Variants in EDIL3 observed in about 807,000 individuals in gnomAD.
EDIL3 encodes EGF like and discoidin domains 3.
EDIL3 carries 37 observed loss-of-function variants against 67.4 expected under a neutral mutation model. That is an observed-to-expected ratio of 0.55 (90% confidence interval 0.42 to 0.72). The LOEUF (loss-of-function observed/expected upper bound fraction) is 0.72, where lower values mean the gene tolerates loss of function less well. Ranked by LOEUF, EDIL3 falls within the 30% of genes least tolerant of loss-of-function variation. The pLI is 0.00. For missense variants in EDIL3, 527 were observed against 586.3 expected (o/e 0.90, Z 1.04); for synonymous variants, 195 against 196.3 (o/e 0.99, Z 0.05).
At chr5:84,277,612 A>G (rs1745608255) in intron 1 of EDIL3, among the ~76,000 whole-genome samples, 1 of 152,208 alleles carries the variant, frequency 6.6e-6, no homozygotes, top group Non-Finnish European at 1.5e-5. Flanking sequence ...ATAATTCAGT[A>G]TGAGTGCCAT....
intron 5 of EDIL3, among the ~76,000 whole-genome samples, chr5:84,119,477 T>C (rs1434072022): frequency 6.6e-6 from 1 of 151,978 alleles, no homozygotes; most frequent in African/African-American, 2.4e-5. Context: ...ATATAAACTA[T>C]GGCTTCTTGT....
intron 9 of EDIL3, among the ~76,000 whole-genome samples, chr5:84,045,913 A>G (rs1746214972): frequency 6.6e-6 from 1 of 152,222 alleles, no homozygotes; most frequent in African/African-American, 2.4e-5. Flanking sequence ...TGAACTACCT[A>G]TTATTATAGC....
At chr5:83,988,199 G>A (rs556071113) in intron 9 of EDIL3, among the ~76,000 whole-genome samples, 79 of 152,168 alleles carry the variant, frequency 5.2e-4, no homozygotes, top group African/African-American at 1.9e-3. Context: ...ACACATCTGT[G>A]TGCTGACATT....
In EDIL3 at chr5:84,190,074, C is replaced by A. The variant is rs74615210; in HGVS notation, c.227-9553G>T. Reference sequence around the variant, plus strand: ...TTGGCCAGTGGGATAAACATGAACACCCCTATAATCTAAGAGAAACATAGA... The same window carrying A: ...TTGGCCAGTGGGATAAACATGAACAACCCTATAATCTAAGAGAAACATAGA... On this transcript the variant is annotated intron_variant, in intron 3 of 10. Transcript: ENST00000296591. Among the ~76,000 whole-genome samples, 65 of 152,044 alleles carry A rather than the reference C, an allele frequency of 4.3e-4. No homozygotes were observed. The East Asian group carries it at 0.011, about 27-fold the overall frequency.
intron 1 of EDIL3, among the ~76,000 whole-genome samples, chr5:84,373,611 G>A (rs961077977): frequency 6.6e-6 from 1 of 152,100 alleles, no homozygotes; most frequent in Non-Finnish European, 1.5e-5. Flanking sequence ...CAACAATGGT[G>A]AAATCATCCA....
intron 2 of EDIL3, among the ~76,000 whole-genome samples, chr5:84,238,665 G>T (rs372454924): frequency 5.1e-3 from 511 of 100,994 alleles, no homozygotes; most frequent in East Asian, 0.011. Flanking sequence ...AAAATTAAAT[G>T]TTTTTTTTTT....
chr5:84,148,702 A>G (rs1188602407), intron 4 of EDIL3, among the ~76,000 whole-genome samples: 1 of 152,148 alleles, frequency 6.6e-6, no homozygotes, highest in Non-Finnish European at 1.5e-5. Flanking sequence ...AGCTAGAGGC[A>G]ACAAAACATC....
intron 10 of EDIL3, among the ~76,000 whole-genome samples, chr5:83,947,987 G>A (rs1183361858): frequency 1.3e-5 from 2 of 151,794 alleles, no homozygotes; most frequent in African/African-American, 2.4e-5. Context: ...CAGTGAAAGC[G>A]TGGTATTTAT....
At chr5:84,006,841 T>C (rs1479370940) in intron 9 of EDIL3, among the ~76,000 whole-genome samples, 1 of 152,092 alleles carries the variant, frequency 6.6e-6, no homozygotes, top group African/African-American at 2.4e-5. Flanking sequence ...TTCTCCTGTC[T>C]TTTTTAAGCT....
At chr5:83,993,271 CA>C (rs2112161440) in intron 9 of EDIL3, among the ~76,000 whole-genome samples, 1 of 152,306 alleles carries the variant, frequency 6.6e-6, no homozygotes, top group Admixed American at 6.5e-5. Context: ...CTCCTCGGCT[CA>C]GTTGATCATC....
At chr5:84,379,490 T>TCAACTATTCC (rs1748033310) in intron 1 of EDIL3, among the ~76,000 whole-genome samples, 1 of 152,144 alleles carries the variant, frequency 6.6e-6, no homozygotes, top group Non-Finnish European at 1.5e-5. Flanking sequence ...AGTAGATGCA[T>TCAACTATTCC]AGGAATAGTT....
intron 2 of EDIL3, among the ~76,000 whole-genome samples, chr5:84,252,899 T>C (rs1745052123): frequency 6.6e-6 from 1 of 152,282 alleles, no homozygotes; most frequent in East Asian, 1.9e-4. Flanking sequence ...AGAATTATCT[T>C]TGAAGATGAA....
At chr5:84,118,975 C>T (rs1353088305) in intron 5 of EDIL3, among the ~76,000 whole-genome samples, 1 of 151,824 alleles carries the variant, frequency 6.6e-6, no homozygotes, top group Admixed American at 6.6e-5. Context: ...AGAATAACAC[C>T]CATTTTACAG....
chr5:83,953,984 C>T lies in EDIL3; in HGVS notation c.1293+9221G>A, dbSNP rs553208660. Among the ~76,000 whole-genome samples, 5 of 151,854 alleles carry T rather than the reference C, an allele frequency of 3.3e-5. No homozygotes were observed. The South Asian group carries it at 1.0e-3, about 32-fold the overall frequency. On this transcript the variant is annotated intron_variant, in intron 10 of 10. Coordinates refer to ENST00000296591, the MANE Select transcript of EDIL3 (RefSeq NM_005711.5). ...AGATTCAGAAATCTTTTTATAGTTT[C>T]CCATAAACATGGATATATGACAGGT...
intron 6 of EDIL3, among the ~76,000 whole-genome samples, chr5:84,068,281 T>A (rs1746678518): frequency 6.6e-6 from 1 of 152,212 alleles, no homozygotes; most frequent in South Asian, 2.1e-4. Flanking sequence ...ACATTTCCAA[T>A]ACATACAATA....
rs1184842163 is a variant in EDIL3, at chr5:84,058,634, GAGA to G, written c.1137+1663_1137+1665del. Reference sequence around the variant, plus strand: ...GAGATGTTAGCAGGAAGATAATTGGGAGAAGAAGTGTGACCAGGAAAGGACATT... The same window carrying G: ...GAGATGTTAGCAGGAAGATAATTGGGAGAAGTGTGACCAGGAAAGGACATT... On this transcript the variant is annotated intron_variant, in intron 9 of 10. Coordinates refer to ENST00000296591, the MANE Select transcript of EDIL3 (RefSeq NM_005711.5). 5.3e-5 allele frequency among the ~76,000 whole-genome samples: 8 copies of G among 152,234 alleles called. No individual in the cohort carries two copies. In the East Asian group the frequency reaches 1.5e-3, roughly 29 times the overall value.
chr5:84,271,416 CAAATAAATAAATAAATAAATAAAT>C (rs70975550), intron 1 of EDIL3, among the ~76,000 whole-genome samples: 1 of 140,910 alleles, frequency 7.1e-6, no homozygotes, highest in African/African-American at 2.6e-5. Flanking sequence ...TCTGTCTCTA[CAAATAAATAAATAAATAAATAAAT>C]AAATAAATAA....
intron 8 of EDIL3, among the ~76,000 whole-genome samples, chr5:84,063,306 G>A (rs529576039): frequency 1.3e-5 from 2 of 152,214 alleles, no homozygotes; most frequent in South Asian, 4.1e-4. Flanking sequence ...ACTGGTCTGT[G>A]GTGATATAGT....
At chr5:84,324,421 C>T (rs1384587106) in intron 1 of EDIL3, among the ~76,000 whole-genome samples, 1 of 151,606 alleles carries the variant, frequency 6.6e-6, no homozygotes, top group Non-Finnish European at 1.5e-5. Flanking sequence ...GAGTATAGTG[C>T]TAAAGAGTAA....
Sources: gnomAD v4.1 joint callset for allele counts (sites outside exome capture counted in the v4.1 genomes callset) on GRCh38, gnomAD v4.1.1 for gene constraint, MANE v1.5 for transcripts, NCBI Gene and HGNC (gene_info 2026-07-23, HGNC 2026-07-21) for gene names.